MYOCD: variants seen among roughly 807,000 people sequenced by gnomAD.
MYOCD encodes the protein myocardin.
Under a neutral mutation model 96.1 loss-of-function variants are expected in MYOCD, and 32 were observed. That is an observed-to-expected ratio of 0.33 (90% CI 0.25 to 0.45). The LOEUF (loss-of-function observed/expected upper bound fraction) is 0.45. MYOCD is among the 20% of genes least tolerant of loss of function. MYOCD has a pLI of 1.00. For synonymous variants in MYOCD, 469 were observed against 469.0 expected (o/e 1.00, Z 0.00); for missense variants, 1,133 against 1,200.6 (o/e 0.94, Z 0.83).
intron 1 of MYOCD, among the ~76,000 whole-genome samples, chr17:12,686,114 C>A (rs114555895): frequency 0.011 from 1,644 of 152,288 alleles, 27 homozygotes; most frequent in African/African-American, 0.037. Context: ...AGAACTCTTA[C>A]AAGAAATATT....
chr17:12,745,528 C>G (rs2032637798), intron 8 of MYOCD, among the ~76,000 whole-genome samples: 1 of 152,034 alleles, frequency 6.6e-6, no homozygotes, highest in Admixed American at 6.6e-5. Flanking sequence ...TTTAAATTGT[C>G]AATATCCCCA....
intron 2 of MYOCD, 39 bp downstream of exon 2, chr17:12,705,232 GCCACA>G (rs2031242032): frequency 6.8e-7 from 1 of 1,473,416 alleles, no homozygotes; most frequent in South Asian, 1.2e-5. Flanking sequence ...TATACATAGG[GCCACA>G]CCATTTGGGA....
In MYOCD at chr17:12,731,953, A is replaced by G. The variant is rs1392731445; in HGVS notation, c.416-4208A>G. Among the ~76,000 whole-genome samples, 4 of 152,158 alleles carry G rather than the reference A, an allele frequency of 2.6e-5. No homozygotes were observed. In the East Asian group the frequency reaches 7.7e-4, roughly 29 times the overall value. The stretch of plus-strand genomic sequence containing the variant: ...GCCCTGGCAGTGGCAAATCTAAACC[A>G]GTCACTTGTAGCCCTGAAAGAGTGG... On this transcript the variant is annotated intron_variant, in intron 5 of 13. Transcript: ENST00000425538.
intron 13 of MYOCD, chr17:12,762,742 C>T (rs1436415826): frequency 2.2e-5 from 5 of 227,736 alleles, no homozygotes; most frequent in South Asian, 3.1e-4. Flanking sequence ...AATGGCATGG[C>T]GCCTGGTCCC....
chr17:12,732,505 A>C (rs1279305041), intron 5 of MYOCD, among the ~76,000 whole-genome samples: 2 of 152,168 alleles, frequency 1.3e-5, no homozygotes, highest in Non-Finnish European at 2.9e-5. Context: ...CTCACCAGGC[A>C]GTCTGGCCCG....
chr17:12,728,217 T>C (rs904932583), intron 5 of MYOCD, among the ~76,000 whole-genome samples: 4 of 152,170 alleles, frequency 2.6e-5, no homozygotes, highest in African/African-American at 9.6e-5. Flanking sequence ...CCCTACAGGC[T>C]TACTTCTAGC....
At chr17:12,692,266 G>A (rs1218755333) in intron 1 of MYOCD, among the ~76,000 whole-genome samples, 1 of 152,156 alleles carries the variant, frequency 6.6e-6, no homozygotes, top group Non-Finnish European at 1.5e-5. Context: ...CATTCGCATC[G>A]CAACCTAAAG....
intron 1 of MYOCD, among the ~76,000 whole-genome samples, chr17:12,685,921 CAGGCTGGCCTGGTGAT>C (rs1219687067): frequency 6.6e-6 from 1 of 152,178 alleles, no homozygotes; most frequent in Non-Finnish European, 1.5e-5. Context: ...GCATGAGCAC[CAGGCTGGCCTGGTGAT>C]CCCAAAGCCT....
intron 4 of MYOCD, among the ~76,000 whole-genome samples, chr17:12,719,815 C>T (rs913206992): frequency 5.6e-5 from 8 of 142,250 alleles, no homozygotes; most frequent in African/African-American, 2.1e-4. Context: ...TGCAGTGAGC[C>T]GAGATCGTGC....
Position 12,752,974 on chromosome 17 carries a change from G to A in MYOCD, c.1686G>A (p.Pro562=), listed in dbSNP as rs920390791. ...GGAATAACTGTTCAGAGAAGAAGCC[G>A]CTGCCTTTCCTGGCTGCCTCCATCA... The part of the protein sequence containing the change: ...QKRNNCSEKK[P]LPFLAASIKQ... Residue 562 remains proline (P), a synonymous_variant, in exon 10 of 14, where the codon CCG becomes CCA. Coordinates refer to ENST00000425538, the MANE Select transcript of MYOCD (RefSeq NM_001146312.3). 4 of 1,614,004 alleles carry A rather than the reference G, an allele frequency of 2.5e-6. No individual in the cohort carries two copies. Among genetic ancestry groups the A allele is most frequent in the African/African-American group, 1.3e-5 (1 of 74,918 alleles).
Position 12,666,193 on chromosome 17 carries a change from C to T in MYOCD, c.5C>T (p.Thr2Ile), listed in dbSNP as rs1234197991. 6.2e-7 allele frequency: 1 copy of T among 1,613,438 alleles called. No individual in the cohort carries two copies. The highest frequency in any genetic ancestry group is 1.3e-5 in the African/African-American group (1 of 74,928). Reference protein sequence around the residue: MTLLGSEHSLLI... With the variant: MILLGSEHSLLI... ...AGCGGCTTGCTGAGACTCAACATGACACTCCTGGGGTCTGAGCATTCCTTG... is the reference window on the plus strand; with the variant it reads ...AGCGGCTTGCTGAGACTCAACATGATACTCCTGGGGTCTGAGCATTCCTTG... Residue 2 changes from threonine (T) to isoleucine (I), a missense_variant, in exon 1 of 14, where the codon ACA (threonine) becomes ATA (isoleucine). By Grantham distance (89) the Thr-to-Ile change is moderately conservative. Coordinates refer to ENST00000425538, the MANE Select transcript of MYOCD (RefSeq NM_001146312.3).
At chr17:12,714,926 C>T (rs190413999) in intron 2 of MYOCD, among the ~76,000 whole-genome samples, 1 of 152,292 alleles carries the variant, frequency 6.6e-6, no homozygotes, top group East Asian at 1.9e-4. Flanking sequence ...TCAGTTTCCC[C>T]ATTCTGTTCA....
chr17:12,705,031 T>C, intron 1 of MYOCD, 97 bp from the exon 2 acceptor site: 4 of 760,618 alleles, frequency 5.3e-6, no homozygotes, highest in Non-Finnish European at 8.7e-6. Flanking sequence ...AGAACTCTTT[T>C]AGAAATAAAA....
At position 12,700,683 on chromosome 17, in the gene MYOCD, G is replaced by A. The variant is rs914641259; in HGVS notation, c.56-4445G>A. Among the ~76,000 whole-genome samples, 3 of 151,132 alleles carry A rather than the reference G, an allele frequency of 2.0e-5. No individual in the cohort carries two copies. The South Asian group carries it at 6.2e-4, about 31-fold the overall frequency. On this transcript the variant is annotated intron_variant, in intron 1 of 13. Coordinates refer to ENST00000425538, the MANE Select transcript of MYOCD (RefSeq NM_001146312.3). Reference sequence around the variant, plus strand: ...CCCGTCTGGGCCTCCCAAAGTGCTGGGATTACAGGCTTGAGGCAGTGGGAG... The same window carrying A: ...CCCGTCTGGGCCTCCCAAAGTGCTGAGATTACAGGCTTGAGGCAGTGGGAG...
intron 2 of MYOCD, among the ~76,000 whole-genome samples, chr17:12,710,885 A>G (rs1055366992): frequency 1.3e-5 from 2 of 152,084 alleles, no homozygotes; most frequent in East Asian, 3.9e-4. Flanking sequence ...TCTCTCCTTC[A>G]ATTTTCCATT....
chr17:12,762,191 G>C (rs1005450338), intron 13 of MYOCD: 2 of 152,202 alleles, frequency 1.3e-5, no homozygotes, highest in African/African-American at 4.8e-5. Flanking sequence ...GCTCAGCGAA[G>C]GCAGATGATC....
intron 10 of MYOCD, among the ~76,000 whole-genome samples, chr17:12,754,039 T>A (rs2032937445): frequency 6.7e-6 from 1 of 149,768 alleles, no homozygotes; most frequent in Non-Finnish European, 1.5e-5. Context: ...AGATGACACA[T>A]CTTATGGAGA....
rs559461834 is a variant in MYOCD, at chr17:12,735,421, A to C, written c.416-740A>C. On this transcript the variant is annotated intron_variant, in intron 5 of 13. Transcript: ENST00000425538. ...ATTTGTCTGTTCCCTTAGCAAAACCATGCAGGCGGCAGAGGAAGAGTCTCT... is the reference window on the plus strand; with the variant it reads ...ATTTGTCTGTTCCCTTAGCAAAACCCTGCAGGCGGCAGAGGAAGAGTCTCT... Among the ~76,000 whole-genome samples the C allele has an allele frequency of 1.3e-5, 2 of 152,124 alleles. 1 individual carries two copies. The highest frequency in any genetic ancestry group is 4.1e-4 in the South Asian group (2 of 4,824).
intron 4 of MYOCD, chr17:12,720,242 C>A (rs1384195117): frequency 6.6e-6 from 1 of 151,876 alleles, no homozygotes; most frequent in Admixed American, 6.6e-5. Flanking sequence ...CAAACCAATC[C>A]CCTGGGACCT....
Sources: gnomAD v4.1 joint callset for allele counts (sites outside exome capture counted in the v4.1 genomes callset) on GRCh38, gnomAD v4.1.1 for gene constraint, MANE v1.5 for transcripts, NCBI Gene and HGNC (gene_info 2026-07-23, HGNC 2026-07-21) for gene names.